Variants in CFAP91 observed in about 807,000 individuals in gnomAD.
The protein encoded by CFAP91 is cilia- and flagella-associated protein 91.
In CFAP91, 85 loss-of-function variants were observed where a neutral mutation model predicts 95.9. The ratio of observed to expected loss-of-function variants is 0.89; its 90% CI spans 0.74 to 1.06. The LOEUF is 1.06. Among genes scored for constraint, CFAP91 ranks in the 50% least tolerant of loss-of-function variants. The pLI is 0.00. For missense variants in CFAP91, 962 were observed against 943.4 expected, an observed-to-expected ratio of 1.02 and a Z score of -0.26; for synonymous variants, 335 against 327.5, an observed-to-expected ratio of 1.02 and a Z score of -0.25.
intron 11 of CFAP91, among the ~76,000 whole-genome samples, chr3:119,737,831 T>C (rs982839349): frequency 6.6e-6 from 1 of 152,168 alleles, no homozygotes; most frequent in African/African-American, 2.4e-5. Flanking sequence ...CTGATGACTG[T>C]TGGAGTCGAA....
chr3:119,764,101 C>A (rs2054587474), intron 17 of CFAP91, among the ~76,000 whole-genome samples: 1 of 152,034 alleles, frequency 6.6e-6, no homozygotes, highest in African/African-American at 2.4e-5. Flanking sequence ...TATATATAAT[C>A]TTTCTTTGTC....
rs780160621 is a variant in CFAP91 at position 119,737,399 on chromosome 3, G to T, written c.1378G>T (p.Val460Leu). Residue 460 changes from valine (V) to leucine (L), a missense_variant, in exon 11 of 18, where the codon GTA (valine) becomes TTA (leucine). Physicochemically the swap from Val to Leu is conservative, Grantham distance 32 (BLOSUM62 1). Coordinates refer to ENST00000273390, the MANE Select transcript of CFAP91 (RefSeq NM_033364.4). ...GGATAAGAAGAATAAAGTTCTTGAAGTAAAGAAACCCCCTCGCTTCCTTCA... is the reference window on the plus strand; with the variant it reads ...GGATAAGAAGAATAAAGTTCTTGAATTAAAGAAACCCCCTCGCTTCCTTCA... ...LLDKKNKVLE[V>L]KKPPRFLQRN... 3 of 1,608,218 alleles carry T rather than the reference G, an allele frequency of 1.9e-6. No individual in the cohort carries two copies. In the South Asian group the frequency reaches 3.3e-5, roughly 18 times the overall value.
At chr3:119,738,332 C>CTTTTTTTTTTTTTTTTG (rs2054050158) in intron 11 of CFAP91, among the ~76,000 whole-genome samples, 1 of 23,040 alleles carries the variant, frequency 4.3e-5, no homozygotes, top group Non-Finnish European at 1.1e-4. Flanking sequence ...GACATATTGT[C>CTTTTTTTTTTTTTTTTG]TTTTTTTTTT....
At chr3:119,757,915 CT>C (rs2054463521) in intron 17 of CFAP91, among the ~76,000 whole-genome samples, 1 of 152,018 alleles carries the variant, frequency 6.6e-6, no homozygotes, top group African/African-American at 2.4e-5. Context: ...TGTTTTTCTG[CT>C]TGAGAAATGT....
rs2053664335 is a variant in CFAP91 at position 119,720,514 on chromosome 3, A to T, written c.682+4771A>T. On this transcript the variant is annotated intron_variant, in intron 6 of 17. Coordinates refer to ENST00000273390, the MANE Select transcript of CFAP91 (RefSeq NM_033364.4). The stretch of plus-strand genomic sequence containing the variant: ...CCTGAATAGAAGAGTAACTATAGAA[A>T]TTGACCTGGTAAAAAGAAAAAAAAA... 2.6e-5 allele frequency among the ~76,000 whole-genome samples: 4 copies of T among 152,144 alleles called. 1 individual carries two copies. The South Asian group carries it at 8.3e-4, about 32-fold the overall frequency.
intron 5 of CFAP91, chr3:119,713,160 C>A (rs1380515929): frequency 6.7e-6 from 1 of 150,160 alleles, no homozygotes; most frequent in South Asian, 2.1e-4. Flanking sequence ...TGCTCCATCA[C>A]TCAGGCTGGA....
At chr3:119,731,310 T>A (rs952869963) in intron 8 of CFAP91, among the ~76,000 whole-genome samples, 4 of 152,200 alleles carry the variant, frequency 2.6e-5, no homozygotes, top group African/African-American at 9.7e-5. Flanking sequence ...AATCACATTT[T>A]AAAAAATCAT....
Position 119,747,793 on chromosome 3 carries a change from T to G in CFAP91, c.2052-18T>G, listed in dbSNP as rs373290091. 1,886 of 1,601,942 alleles carry G rather than the reference T, an allele frequency of 1.2e-3. 2 individuals are homozygous for G. Among genetic ancestry groups the G allele is most frequent in the Non-Finnish European group, 1.5e-3 (1,708 of 1,172,760 alleles). On this transcript the variant is annotated intron_variant, in intron 15 of 17. Coordinates refer to ENST00000273390, the MANE Select transcript of CFAP91 (RefSeq NM_033364.4). The stretch of plus-strand genomic sequence containing the variant: ...GAAAAAACCAAAGAAATAATTCAAT[T>G]TGTTTTATATTTTTTAGCCGAACCT...
At chr3:119,738,913 AT>A (rs1022555921) in intron 11 of CFAP91, among the ~76,000 whole-genome samples, 1 of 152,212 alleles carries the variant, frequency 6.6e-6, no homozygotes, top group Non-Finnish European at 1.5e-5. Context: ...GAAAAATCCT[AT>A]TGCAAAATGA....
chr3:119,703,286 G>C (rs766759998), intron 1 of CFAP91, 64 bp downstream of exon 1: 3 of 1,588,342 alleles, frequency 1.9e-6, no homozygotes, highest in Non-Finnish European at 2.6e-6. Context: ...GCTCCCAGAT[G>C]GTGGGACCTG....
chr3:119,709,869 A>T lies in CFAP91; in HGVS notation c.474A>T (p.Pro158=), dbSNP rs2053442908. ...RPFLPFFQQM[P]FNVVYAVSKA... ...TTCTCCCATTTTTTCAGCAGATGCC[A>T]TTCAATGTTGTTTATGCCGTATCCA... Residue 158 remains proline (P), a synonymous_variant, in exon 5 of 18, where the codon CCA becomes CCT. Transcript: ENST00000273390. 1.2e-6 allele frequency: 2 copies of T among 1,612,736 alleles called. No individual in the cohort carries two copies. Among genetic ancestry groups the T allele is most frequent in the Non-Finnish European group, 1.7e-6 (2 of 1,178,914 alleles).
At chr3:119,725,663 G>C (rs989123176) in intron 6 of CFAP91, among the ~76,000 whole-genome samples, 5 of 152,016 alleles carry the variant, frequency 3.3e-5, no homozygotes, top group Non-Finnish European at 7.4e-5. Flanking sequence ...AGGCTGAGGT[G>C]GGGGGATCAT....
At chr3:119,739,389 A>T in intron 12 of CFAP91, 63 bp downstream of exon 12, 1 of 1,461,168 alleles carries the variant, frequency 6.8e-7, no homozygotes. Context: ...TAGAATGCAT[A>T]TGTGCTTGGT....
At chr3:119,712,486 A>G (rs2053489165) in intron 5 of CFAP91, among the ~76,000 whole-genome samples, 1 of 152,264 alleles carries the variant, frequency 6.6e-6, no homozygotes, top group Non-Finnish European at 1.5e-5. Context: ...GTGCAGTAAT[A>G]TAATAAAACT....
rs754360079 is a variant in CFAP91, at chr3:119,715,710, C to T, written c.649C>T (p.Pro217Ser). The stretch of plus-strand genomic sequence containing the variant: ...ATATGTAGTATGTCAGGACTCAATC[C>T]CTGAGCTCTTGACCCTGGCTACGCT... ...AEYVVCQDSI[P>S]ELLTLATLTW... The change falls in exon 6 of 18, where the codon CCT (proline) becomes TCT (serine). Residue 217 changes from proline (P) to serine (S), a missense_variant. By Grantham distance (74) the Pro-to-Ser change is moderately conservative. Transcript: ENST00000273390. 4 of 1,613,892 alleles carry T rather than the reference C, an allele frequency of 2.5e-6. No homozygotes were observed. Among genetic ancestry groups the T allele is most frequent in the Non-Finnish European group, 2.5e-6 (3 of 1,179,932 alleles).
intron 2 of CFAP91, 118 bp from the exon 3 acceptor site, chr3:119,707,286 C>G: frequency 7.8e-6 from 6 of 765,600 alleles, no homozygotes; most frequent in Non-Finnish European, 1.2e-5. Context: ...AATAACCCCT[C>G]TTCTTATGCT....
At chr3:119,741,484 G>A (rs1016008190) in intron 13 of CFAP91, among the ~76,000 whole-genome samples, 4 of 152,138 alleles carry the variant, frequency 2.6e-5, no homozygotes, top group Non-Finnish European at 5.9e-5. Context: ...GGTGACTTTC[G>A]TCATGACCTC....
intron 17 of CFAP91, 55 bp downstream of exon 17, chr3:119,751,153 T>C: frequency 6.5e-7 from 1 of 1,533,888 alleles, no homozygotes. Context: ...AAAGCGGCAT[T>C]GTTCAGCTTT....
intron 16 of CFAP91, 85 bp from the exon 17 acceptor site, chr3:119,750,852 A>G (rs2054311132): frequency 6.6e-7 from 1 of 1,520,090 alleles, no homozygotes; most frequent in Non-Finnish European, 9.1e-7. Flanking sequence ...TTGCAAAATT[A>G]TTTCTATCAT....
Sources: gnomAD v4.1 joint callset for allele counts (sites outside exome capture counted in the v4.1 genomes callset) on GRCh38, gnomAD v4.1.1 for gene constraint, MANE v1.5 for transcripts, NCBI Gene and HGNC (gene_info 2026-07-23, HGNC 2026-07-21) for gene names.